The following FANCD2 variants were observed in gnomAD, a reference collection of about 807,000 sequenced individuals.
The protein encoded by FANCD2 is Fanconi anemia group D2 protein.
In FANCD2, 131 loss-of-function variants were observed where a neutral mutation model predicts 192.3. The ratio of observed to expected loss-of-function variants is 0.68; its 90% CI spans 0.59 to 0.79. The LOEUF is 0.79. Among genes scored for constraint, FANCD2 ranks in the 30% least tolerant of loss-of-function variants. The pLI is 0.00. For missense variants in FANCD2, 1,508 were observed against 1,701.6 expected, an observed-to-expected ratio of 0.89 and a Z score of 2.00; for synonymous variants, 524 against 612.5, an observed-to-expected ratio of 0.86 and a Z score of 2.13.
intron 30 of FANCD2, among the ~76,000 whole-genome samples, chr3:10,078,822 C>G (rs1693672529): frequency 6.6e-6 from 1 of 151,748 alleles, no homozygotes; most frequent in Non-Finnish European, 1.5e-5. Context: ...AAAGAACTAG[C>G]CGGGCATGGT....
chr3:10,057,268 C>G (rs1359027398), intron 18 of FANCD2, among the ~76,000 whole-genome samples: 1 of 152,084 alleles, frequency 6.6e-6, no homozygotes, highest in Admixed American at 6.5e-5. Flanking sequence ...TTCTCCCATT[C>G]TATGGGTTTT....
intron 29 of FANCD2, among the ~76,000 whole-genome samples, chr3:10,075,931 C>G (rs1014993064): frequency 6.6e-6 from 1 of 151,434 alleles, no homozygotes; most frequent in Non-Finnish European, 1.5e-5. Flanking sequence ...GAGGTTTCAC[C>G]GTTGTTAGCC....
At chr3:10,081,021 A>T in intron 30 of FANCD2, 79 bp from the exon 31 acceptor site, 1 of 1,527,862 alleles carries the variant, frequency 6.5e-7, no homozygotes, top group South Asian at 1.1e-5. Flanking sequence ...CACAGGTTTG[A>T]CTTGACTCCA....
At chr3:10,066,147 G>A (rs1229570105) in intron 25 of FANCD2, among the ~76,000 whole-genome samples, 168 bp downstream of exon 25, 2 of 152,170 alleles carry the variant, frequency 1.3e-5, no homozygotes, top group Non-Finnish European at 2.9e-5. Context: ...TCCTTAGGTA[G>A]CCAAATGAGA....
At chr3:10,038,559 C>G (rs369114739) in intron 7 of FANCD2, among the ~76,000 whole-genome samples, 11 of 150,674 alleles carry the variant, frequency 7.3e-5, no homozygotes, top group African/African-American at 2.4e-4. Flanking sequence ...TTTCTATGTT[C>G]CCTTAGCAAT....
intron 39 of FANCD2, among the ~76,000 whole-genome samples, 198 bp downstream of exon 39, chr3:10,093,521 GA>G (rs887478379): frequency 2.0e-5 from 3 of 152,190 alleles, no homozygotes; most frequent in Admixed American, 1.3e-4. Context: ...CTATGAATTT[GA>G]AAACTTTTGG....
chr3:10,055,288 C>T (rs2087374666), intron 18 of FANCD2, among the ~76,000 whole-genome samples: 1 of 152,082 alleles, frequency 6.6e-6, no homozygotes, highest in African/African-American at 2.4e-5. Context: ...CTGATCATCC[C>T]AAACAAACTT....
chr3:10,064,420 T>G lies in FANCD2; in HGVS notation c.2012T>G (p.Val671Gly), dbSNP rs373337896. 7.4e-6 allele frequency: 12 copies of G among 1,613,632 alleles called. No individual in the cohort carries two copies. The highest frequency in any genetic ancestry group is 9.3e-6 in the Non-Finnish European group (11 of 1,179,652). ...GCCTTCGTAGTGGACTCCTGTGTTG[T>G]TCCGGAAGGGTAGGTATTGTTTACC... is the stretch of plus-strand genomic sequence containing the variant. ...QDAFVVDSCVVPEGDFPFPVK... is the reference protein window; with the variant it reads ...QDAFVVDSCVGPEGDFPFPVK... Residue 671 changes from valine to glycine, a missense_variant, in exon 22 of 44, where the codon GTT becomes GGT. Transcript: ENST00000675286.
At chr3:10,034,364 G>T in intron 3 of FANCD2, 105 bp from the exon 4 acceptor site, 1 of 740,690 alleles carries the variant, frequency 1.4e-6, no homozygotes, top group Non-Finnish European at 2.4e-6. Context: ...TCTGAAATTA[G>T]GTTGAAAATA....
intron 26 of FANCD2, among the ~76,000 whole-genome samples, chr3:10,068,286 T>C (rs1412511568): frequency 6.6e-6 from 1 of 152,060 alleles, no homozygotes; most frequent in Non-Finnish European, 1.5e-5. Context: ...TTCAGTAAAG[T>C]TGCAAGATAC....
chr3:10,075,920 C>T (rs576610944), intron 29 of FANCD2, among the ~76,000 whole-genome samples: 3 of 151,338 alleles, frequency 2.0e-5, no homozygotes, highest in Non-Finnish European at 3.0e-5. Context: ...TTAATAGAGA[C>T]GAGGTTTCAC....
intron 11 of FANCD2, 58 bp downstream of exon 11, chr3:10,042,721 C>A: frequency 7.6e-7 from 1 of 1,321,852 alleles, no homozygotes; most frequent in Non-Finnish European, 1.1e-6. Context: ...AATTGCTCTT[C>A]TCTGTCCCCA....
At position 10,061,599 on chromosome 3, in the gene FANCD2, G is replaced by GT. The variant is rs36009699; in HGVS notation, c.1767-550dup. Among the ~76,000 whole-genome samples the GT allele has an allele frequency of 3.8e-3, 582 of 152,190 alleles. 7 individuals carry two copies. Among genetic ancestry groups the GT allele is most frequent in the African/African-American group, 0.013 (551 of 41,522 alleles). On this transcript the variant is annotated intron_variant, in intron 19 of 43. Coordinates refer to ENST00000675286, the MANE Select transcript of FANCD2 (RefSeq NM_001018115.3). ...ATAGAGTCATTGAGAACATTAAAGG[G>GT]TTAGAACAATGTTTAGTACATAATA... is the stretch of plus-strand genomic sequence containing the variant.
At chr3:10,055,877 G>GTTT (rs1360175312) in intron 18 of FANCD2, among the ~76,000 whole-genome samples, 1 of 151,862 alleles carries the variant, frequency 6.6e-6, no homozygotes, top group African/African-American at 2.4e-5. Context: ...TGTTGTTGTT[G>GTTT]TGTTTTATTT....
At chr3:10,054,772 C>T (rs915353169) in intron 18 of FANCD2, among the ~76,000 whole-genome samples, 16 of 151,484 alleles carry the variant, frequency 1.1e-4, no homozygotes, top group African/African-American at 3.1e-4. Context: ...CCTGAGCCAC[C>T]GCACCCGGCC....
intron 3 of FANCD2, among the ~76,000 whole-genome samples, 157 bp downstream of exon 3, chr3:10,033,129 G>T (rs1423365716): frequency 6.6e-6 from 1 of 152,186 alleles, no homozygotes. Context: ...GGTACAGTCA[G>T]GCCGGGCGCG....
chr3:10,034,445 C>T (rs374031026), intron 3 of FANCD2, 24 bp from the exon 4 acceptor site: 1 of 1,585,912 alleles, frequency 6.3e-7, no homozygotes, highest in East Asian at 2.2e-5. Flanking sequence ...AAACTGGTGA[C>T]CAGCTCTTCT....
chr3:10,083,780 C>T (rs1335599165), intron 32 of FANCD2: 2 of 148,452 alleles, frequency 1.3e-5, no homozygotes, highest in Non-Finnish European at 3.0e-5. Flanking sequence ...CCCAGCTACT[C>T]AAGAGGCTGA....
chr3:10,048,146 A>T (rs2087083664), intron 16 of FANCD2, 95 bp downstream of exon 16: 1 of 1,548,648 alleles, frequency 6.5e-7, no homozygotes, highest in East Asian at 2.3e-5. Flanking sequence ...CTGAAGGGGA[A>T]GGAACTCTGA....
Sources: gnomAD v4.1 joint callset for allele counts (sites outside exome capture counted in the v4.1 genomes callset) on GRCh38, gnomAD v4.1.1 for gene constraint, MANE v1.5 for transcripts, NCBI Gene and HGNC (gene_info 2026-07-23, HGNC 2026-07-21) for gene names.